TIMM13: variants seen among roughly 807,000 people sequenced by gnomAD.
TIMM13 encodes the protein translocase of inner mitochondrial membrane 13.
In TIMM13, 8 loss-of-function variants were observed where a neutral mutation model predicts 10.9. The ratio of observed to expected loss-of-function variants is 0.73; its 90% confidence interval spans 0.43 to 1.32. The LOEUF (loss-of-function observed/expected upper bound fraction) is 1.32. Ranked by LOEUF, TIMM13 falls within the 40% of genes most tolerant of loss-of-function variation. The pLI is 0.01. For synonymous variants in TIMM13, 68 were observed against 52.5 expected, an observed-to-expected ratio of 1.30 and a Z score of -1.28; for missense variants, 147 against 132.8, an observed-to-expected ratio of 1.11 and a Z score of -0.53.
In TIMM13 at chr19:2,426,188, T is replaced by TGG; in HGVS notation, c.*758_*759dup. On this transcript the variant is annotated 3_prime_UTR_variant, in exon 3 of 3. Coordinates refer to ENST00000215570, the MANE Select transcript of TIMM13 (RefSeq NM_012458.4). ...ACCGTACCCTACCCAAGGACGGGTG[T>TGG]GGGGGGGCTGTGGGTCATGGGGATG... 5.3e-6 allele frequency: 5 copies of TGG among 945,480 alleles called. No homozygotes were observed. Among genetic ancestry groups the TGG allele is most frequent in the Non-Finnish European group, 4.1e-6 (3 of 733,332 alleles). 58.6% of individuals were successfully genotyped at this position (945,480 alleles called of 1,614,324 possible).
At chr19:2,427,200 T>TC (rs1236568558) in intron 2 of TIMM13, 56 bp downstream of exon 2, 13 of 1,591,518 alleles carry the variant, frequency 8.2e-6, no homozygotes, top group East Asian at 4.6e-5. Flanking sequence ...CGCAGACACC[T>TC]CCCCCCTCGA....
chr19:2,426,620 T>C lies in TIMM13; in HGVS notation c.*328A>G, dbSNP rs1971641976. ...GCAGGAGGTGACAGCTCCTGTGGTGTCTGACCACCCCCAACTCCGAAGTCC... is the reference window on the plus strand; with the variant it reads ...GCAGGAGGTGACAGCTCCTGTGGTGCCTGACCACCCCCAACTCCGAAGTCC... On this transcript the variant is annotated 3_prime_UTR_variant, in exon 3 of 3. Coordinates refer to ENST00000215570, the MANE Select transcript of TIMM13 (RefSeq NM_012458.4). 2 of 451,604 alleles carry C rather than the reference T, an allele frequency of 4.4e-6. No individual in the cohort carries two copies. Among genetic ancestry groups the C allele is most frequent in the African/African-American group, 4.0e-5 (2 of 50,152 alleles). 28.0% of individuals were successfully genotyped at this position (451,604 alleles called of 1,614,324 possible).
At position 2,427,128 on chromosome 19, in the gene TIMM13, G is replaced by A. The variant is rs1347115770; in HGVS notation, c.190-82C>T. The A allele has an allele frequency of 4.5e-6, 7 of 1,570,718 alleles. 1 individual carries two copies. In the South Asian group the frequency reaches 5.6e-5, roughly 12 times the overall value. ...CCCTGACCCCGGCTCCAGGACGCCC[G>A]GGCTGCAGACTACGCACGTGCAGTG... On this transcript the variant is annotated intron_variant, in intron 2 of 2. Coordinates refer to ENST00000215570, the MANE Select transcript of TIMM13 (RefSeq NM_012458.4).
At position 2,426,267 on chromosome 19, in the gene TIMM13, C is replaced by T. The variant is rs1251207161; in HGVS notation, c.*681G>A. 1 of 664,152 alleles carries T rather than the reference C, an allele frequency of 1.5e-6. No homozygotes were observed. Among genetic ancestry groups the T allele is most frequent in the East Asian group, 3.2e-5 (1 of 30,948 alleles). The allele number at this position is 664,152 out of a possible 1,614,324, so 41.1% of individuals were successfully genotyped here. On this transcript the variant is annotated 3_prime_UTR_variant, in exon 3 of 3. Coordinates refer to ENST00000215570, the MANE Select transcript of TIMM13 (RefSeq NM_012458.4). ...AACACAGCCCCTCCACCCTAGCTCA[C>T]TGGCTCAGCACCTCAGTGTCACAGC...
At position 2,427,561 on chromosome 19, in the gene TIMM13, C is replaced by T. The variant is rs1459539512; in HGVS notation, c.-28G>A. The T allele has an allele frequency of 1.9e-6, 3 of 1,570,528 alleles. No homozygotes were observed. Among genetic ancestry groups the T allele is most frequent in the Non-Finnish European group, 2.6e-6 (3 of 1,159,726 alleles). ...CTCCGCAAAGTCAACCGGACCGAGGCCGCGTGCGCCGACTCGTAACTAACT... is the reference window on the plus strand; with the variant it reads ...CTCCGCAAAGTCAACCGGACCGAGGTCGCGTGCGCCGACTCGTAACTAACT... On this transcript the variant is annotated 5_prime_UTR_variant, in exon 1 of 3. Coordinates refer to ENST00000215570, the MANE Select transcript of TIMM13 (RefSeq NM_012458.4).
Position 2,427,318 on chromosome 19 carries a change from T to A in TIMM13, c.127A>T (p.Thr43Ser), listed in dbSNP as rs1971662992. ...ATACACTTCCGGAAACACTTGTCCGTCATCCTCTGTGGAGACACGCGAGGC... is the reference window on the plus strand; with the variant it reads ...ATACACTTCCGGAAACACTTGTCCGACATCCTCTGTGGAGACACGCGAGGC... ...ANAQELLQRM[T>S]DKCFRKCIGK... is the part of the protein sequence containing the mutation. The change falls in exon 2 of 3, where the codon ACG becomes TCG. Residue 43 changes from threonine to serine, a missense_variant. Physicochemically the swap from Thr to Ser is moderately conservative, Grantham distance 58 (BLOSUM62 1). Transcript: ENST00000215570. The A allele has an allele frequency of 6.2e-7, 1 of 1,613,264 alleles. No individual in the cohort carries two copies. Among genetic ancestry groups the A allele is most frequent in the African/African-American group, 1.3e-5 (1 of 74,914 alleles).
rs1971648592 is a variant in TIMM13 at position 2,426,786 on chromosome 19, G to A, written c.*162C>T. 2 of 737,056 alleles carry A rather than the reference G, an allele frequency of 2.7e-6. No individual in the cohort carries two copies. The highest frequency in any genetic ancestry group is 1.7e-5 in the African/African-American group (1 of 58,010). 45.7% of individuals were successfully genotyped at this position (737,056 alleles called of 1,614,324 possible). A position where few individuals can be genotyped will look rare whatever the true frequency, so the allele number is the denominator to read the frequency against. On this transcript the variant is annotated 3_prime_UTR_variant, in exon 3 of 3. Coordinates refer to ENST00000215570, the MANE Select transcript of TIMM13 (RefSeq NM_012458.4). ...CACCCCCGAGATCCAAGCTGCACTG[G>A]CTGGCAGGGGGCAGGGCGGGGGGTG...
chr19:2,427,115 C>T, intron 2 of TIMM13, 69 bp from the exon 3 acceptor site: 1 of 1,575,940 alleles, frequency 6.3e-7, no homozygotes, highest in East Asian at 2.3e-5. Flanking sequence ...CTGACCCCGG[C>T]TCCAGGACGC....
chr19:2,425,995 C>G lies in TIMM13; in HGVS notation c.*953G>C, dbSNP rs752580832. On this transcript the variant is annotated 3_prime_UTR_variant, in exon 3 of 3. Transcript: ENST00000215570. Reference sequence around the variant, plus strand: ...GGTGGGTGCTAACTGGGGTCACTAGCTGGGGCTATGGCTGTGGCCGGCCCC... The same window carrying G: ...GGTGGGTGCTAACTGGGGTCACTAGGTGGGGCTATGGCTGTGGCCGGCCCC... The G allele has an allele frequency of 1.2e-5, 19 of 1,606,830 alleles. No homozygotes were observed. Among genetic ancestry groups the G allele is most frequent in the Non-Finnish European group, 1.4e-5 (17 of 1,177,760 alleles).
rs992758733 is a variant in TIMM13, at chr19:2,426,116, T to G, written c.*832A>C. The G allele has an allele frequency of 8.0e-6, 12 of 1,506,714 alleles. No individual in the cohort carries two copies. Among genetic ancestry groups the G allele is most frequent in the Middle Eastern group, 3.6e-4 (2 of 5,566 alleles). 93.3% of individuals were successfully genotyped at this position (1,506,714 alleles called of 1,614,324 possible). A position where few individuals can be genotyped will look rare whatever the true frequency, so the allele number is the denominator to read the frequency against. The stretch of plus-strand genomic sequence containing the variant: ...ACCACGTGACTGCCCAGGCCGAGAC[T>G]CTACGTGAAAGCAACAGGAGCAGCA... On this transcript the variant is annotated 3_prime_UTR_variant, in exon 3 of 3. Transcript: ENST00000215570.
intron 2 of TIMM13, 61 bp downstream of exon 2, chr19:2,427,195 A>G: frequency 6.3e-7 from 1 of 1,587,744 alleles, no homozygotes; most frequent in Non-Finnish European, 8.6e-7. Flanking sequence ...GCACGCGCAG[A>G]CACCTCCCCC....
chr19:2,426,799 A>T lies in TIMM13; in HGVS notation c.*149T>A, dbSNP rs1971648956. The T allele has an allele frequency of 3.8e-6, 3 of 790,134 alleles. No homozygotes were observed. The highest frequency in any genetic ancestry group is 4.3e-5 in the Admixed American group (2 of 46,336). 48.9% of individuals were successfully genotyped at this position (790,134 alleles called of 1,614,324 possible). On this transcript the variant is annotated 3_prime_UTR_variant, in exon 3 of 3. Transcript: ENST00000215570. ...CAAGCTGCACTGGCTGGCAGGGGGC[A>T]GGGCGGGGGGTGGCGAGGACACAGT...
At position 2,426,669 on chromosome 19, in the gene TIMM13, T is replaced by G. The variant is rs1334950929; in HGVS notation, c.*279A>C. On this transcript the variant is annotated 3_prime_UTR_variant, in exon 3 of 3. Transcript: ENST00000215570. ...CCAGACAAGCTGTCCGCCCAGAATA[T>G]GAGGCTGACTTGGGCACACTAGGGG... is the stretch of plus-strand genomic sequence containing the variant. 2 of 528,760 alleles carry G rather than the reference T, an allele frequency of 3.8e-6. No individual in the cohort carries two copies. Among genetic ancestry groups the G allele is most frequent in the Non-Finnish European group, 6.8e-6 (2 of 295,680 alleles). 32.8% of individuals were successfully genotyped at this position (528,760 alleles called of 1,614,324 possible).
intron 1 of TIMM13, 26 bp from the exon 2 acceptor site, chr19:2,427,350 C>G (rs761724691): frequency 6.2e-7 from 1 of 1,612,712 alleles, no homozygotes; most frequent in African/African-American, 1.3e-5. Context: ...AGGCTTTAGC[C>G]GCGACGTCGG....
Position 2,425,691 on chromosome 19 carries a change from C to T in TIMM13, c.*1257G>A, listed in dbSNP as rs898059898. 57 of 1,234,768 alleles carry T rather than the reference C, an allele frequency of 4.6e-5. No individual in the cohort carries two copies. The highest frequency in any genetic ancestry group is 5.7e-4 in the Middle Eastern group (2 of 3,502). 76.5% of individuals were successfully genotyped at this position (1,234,768 alleles called of 1,614,324 possible). On this transcript the variant is annotated 3_prime_UTR_variant, in exon 3 of 3. Coordinates refer to ENST00000215570, the MANE Select transcript of TIMM13 (RefSeq NM_012458.4). ...TTGGGCAACCCACCGCATCCCATCC[C>T]CGGGCCTCGGCGGCAGAGCAGGCAG...
At chr19:2,427,098 G>C in intron 2 of TIMM13, 52 bp from the exon 3 acceptor site, 1 of 1,587,398 alleles carries the variant, frequency 6.3e-7, no homozygotes, top group Non-Finnish European at 8.6e-7. Context: ...CGGCCCCGGG[G>C]ACCGCCCTGA....
Position 2,427,565 on chromosome 19 carries a change from G to T in TIMM13, c.-32C>A. ...GCAAAGTCAACCGGACCGAGGCCGC[G>T]TGCGCCGACTCGTAACTAACTGCGC... On this transcript the variant is annotated 5_prime_UTR_variant, in exon 1 of 3. Transcript: ENST00000215570. 1 of 1,568,820 alleles carries T rather than the reference G, an allele frequency of 6.4e-7. No individual in the cohort carries two copies. The highest frequency in any genetic ancestry group is 8.6e-7 in the Non-Finnish European group (1 of 1,158,766).
chr19:2,427,546 T>C lies in TIMM13; in HGVS notation c.-13A>G, dbSNP rs1181770356. 1 of 1,593,546 alleles carries C rather than the reference T, an allele frequency of 6.3e-7. No homozygotes were observed. The highest frequency in any genetic ancestry group is 1.1e-5 in the South Asian group (1 of 89,454). ...AGCCGCCCTCCATGGCTCCGCAAAG[T>C]CAACCGGACCGAGGCCGCGTGCGCC... On this transcript the variant is annotated 5_prime_UTR_variant, in exon 1 of 3. Transcript: ENST00000215570.
intron 2 of TIMM13, 55 bp downstream of exon 2, chr19:2,427,201 C>G (rs907679325): frequency 6.3e-7 from 1 of 1,591,354 alleles, no homozygotes; most frequent in Admixed American, 1.7e-5. Flanking sequence ...GCAGACACCT[C>G]CCCCCTCGAA....
Sources: allele counts gnomAD v4.1 joint callset, GRCh38; gene constraint gnomAD v4.1.1; transcripts MANE v1.5; gene names NCBI Gene and HGNC (gene_info 2026-07-23, HGNC 2026-07-21).